SGIP1: variants seen among roughly 807,000 people sequenced by gnomAD.
The protein encoded by SGIP1 is SH3GL interacting endocytic adaptor 1.
In SGIP1, 38 loss-of-function variants were observed where a neutral mutation model predicts 107.5. The observed-to-expected ratio is 0.35, with a 90% CI of 0.27 to 0.46. SGIP1 has a LOEUF of 0.46. SGIP1 is among the 20% of genes least tolerant of loss of function. The probability of loss-of-function intolerance (pLI) is 1.00; values close to 1 mark genes in which losing one functional copy is unlikely to be tolerated. For missense variants in SGIP1, 929 were observed against 1,019.5 expected (o/e 0.91, Z 1.21); for synonymous variants, 365 against 366.1 (o/e 1.00, Z 0.03).
At chr1:66,737,202 A>C (rs1265173078) in intron 21 of SGIP1, among the ~76,000 whole-genome samples, 2 of 152,196 alleles carry the variant, frequency 1.3e-5, no homozygotes, top group East Asian at 3.8e-4. Context: ...GCATCCCCAA[A>C]GTGTGCAAAT....
intron 20 of SGIP1, among the ~76,000 whole-genome samples, chr1:66,731,258 A>C (rs189547620): frequency 6.6e-6 from 1 of 152,222 alleles, no homozygotes; most frequent in Non-Finnish European, 1.5e-5. Context: ...TTGGTTGTGC[A>C]CGTTGAGCCA....
At chr1:66,571,219 T>A (rs2060330946) in intron 1 of SGIP1, among the ~76,000 whole-genome samples, 1 of 151,988 alleles carries the variant, frequency 6.6e-6, no homozygotes, top group Non-Finnish European at 1.5e-5. Context: ...AAATGGAGTA[T>A]ATGAAAAGGT....
At chr1:66,559,810 C>T (rs1027447716) in intron 1 of SGIP1, among the ~76,000 whole-genome samples, 4 of 151,814 alleles carry the variant, frequency 2.6e-5, no homozygotes, top group Non-Finnish European at 4.4e-5. Context: ...GTTATTTAGC[C>T]GGGGGGGTGG....
chr1:66,610,562 C>A (rs1159250244), intron 1 of SGIP1, among the ~76,000 whole-genome samples: 1 of 152,144 alleles, frequency 6.6e-6, no homozygotes, highest in Non-Finnish European at 1.5e-5. Flanking sequence ...TCTAATCCTT[C>A]AGTGGAAACT....
At chr1:66,571,893 T>G (rs963140) in intron 1 of SGIP1, among the ~76,000 whole-genome samples, 77,546 of 151,816 alleles carry the variant, frequency 0.51, 20,778 homozygotes, top group South Asian at 0.78. Flanking sequence ...GGTGACAAAT[T>G]TACTCATCCC....
intron 5 of SGIP1, 148 bp downstream of exon 5, chr1:66,639,981 A>G (rs2076473681): frequency 1.6e-6 from 1 of 610,244 alleles, no homozygotes; most frequent in Non-Finnish European, 2.9e-6. Flanking sequence ...GGCTAAGAAC[A>G]ATAGAGTCTG....
rs2150087351 is a variant in SGIP1, at chr1:66,689,227, T to C, written c.1395T>C (p.Pro465=). 1 of 1,613,756 alleles carries C rather than the reference T, an allele frequency of 6.2e-7. No individual in the cohort carries two copies. Among genetic ancestry groups the C allele is most frequent in the South Asian group, 1.1e-5 (1 of 91,026 alleles). Residue 465 remains proline (P), a synonymous_variant, in exon 16 of 25, where the codon CCT becomes CCC. Coordinates refer to ENST00000371037, the MANE Select transcript of SGIP1 (RefSeq NM_032291.4). ...STTPPPPPPR[P]PSRPKLPPGK... is the part of the protein sequence containing the mutation. ...CTCCACCTCCACCTCCTCCCCGGCC[T>C]CCATCCCGGCCAAAGCTACCTCCAG... is the stretch of plus-strand genomic sequence containing the variant.
At chr1:66,575,822 A>G (rs958154581) in intron 1 of SGIP1, among the ~76,000 whole-genome samples, 1 of 152,178 alleles carries the variant, frequency 6.6e-6, no homozygotes, top group African/African-American at 2.4e-5. Flanking sequence ...TTTAAAGCTT[A>G]AATAGAAACC....
intron 10 of SGIP1, among the ~76,000 whole-genome samples, chr1:66,671,332 G>A (rs1171116255): frequency 6.6e-6 from 1 of 152,066 alleles, no homozygotes; most frequent in African/African-American, 2.4e-5. Flanking sequence ...TTTGTTGCTG[G>A]GGGTGGGAAG....
intron 1 of SGIP1, among the ~76,000 whole-genome samples, chr1:66,610,143 C>T (rs2067673278): frequency 6.6e-6 from 1 of 151,934 alleles, no homozygotes; most frequent in African/African-American, 2.4e-5. Flanking sequence ...CTGTTCTAGA[C>T]ATTTAGAAAA....
At chr1:66,709,962 C>T (rs1032516151) in intron 18 of SGIP1, among the ~76,000 whole-genome samples, 1 of 151,864 alleles carries the variant, frequency 6.6e-6, no homozygotes, top group Non-Finnish European at 1.5e-5. Context: ...GCAGCATGCA[C>T]ACACACAATT....
chr1:66,697,178 G>T (rs2091087004), intron 18 of SGIP1, among the ~76,000 whole-genome samples: 1 of 152,290 alleles, frequency 6.6e-6, no homozygotes, highest in Non-Finnish European at 1.5e-5. Context: ...GAGAGAGAGA[G>T]ATCTTTTTTG....
At chr1:66,693,759 T>C (rs1182491768) in intron 17 of SGIP1, among the ~76,000 whole-genome samples, 2 of 152,196 alleles carry the variant, frequency 1.3e-5, no homozygotes, top group Non-Finnish European at 2.9e-5. Context: ...AGAGCACCAA[T>C]TCATGATGTT....
intron 18 of SGIP1, among the ~76,000 whole-genome samples, chr1:66,709,076 G>A (rs1311603900): frequency 6.6e-6 from 1 of 152,026 alleles, no homozygotes; most frequent in Non-Finnish European, 1.5e-5. Flanking sequence ...TACATGCGCA[G>A]AACGTGCATG....
At chr1:66,610,347 A>G (rs2067712124) in intron 1 of SGIP1, among the ~76,000 whole-genome samples, 1 of 152,214 alleles carries the variant, frequency 6.6e-6, no homozygotes, top group South Asian at 2.1e-4. Flanking sequence ...TATTTAATGA[A>G]GCAAGTTGGT....
At position 66,586,931 on chromosome 1, in the gene SGIP1, T is replaced by C. The variant is rs534044830; in HGVS notation, c.11-38916T>C. 7.9e-5 allele frequency among the ~76,000 whole-genome samples: 12 copies of C among 152,214 alleles called. No individual in the cohort carries two copies. In the South Asian group the frequency reaches 1.5e-3, roughly 18 times the overall value. On this transcript the variant is annotated intron_variant, in intron 1 of 24. Transcript: ENST00000371037. Reference sequence around the variant, plus strand: ...TTGATTTTCATTCATTTCTTTAGGATGTGCTCACTGGGTAGTAAATTCTGA... The same window carrying C: ...TTGATTTTCATTCATTTCTTTAGGACGTGCTCACTGGGTAGTAAATTCTGA...
chr1:66,695,704 A>G (rs1423704663), intron 18 of SGIP1, among the ~76,000 whole-genome samples: 1 of 152,240 alleles, frequency 6.6e-6, no homozygotes, highest in African/African-American at 2.4e-5. Flanking sequence ...CATTAAAAAA[A>G]GTTCAAGCTA....
chr1:66,695,744 A>T (rs1038177711), intron 18 of SGIP1, among the ~76,000 whole-genome samples: 2 of 152,230 alleles, frequency 1.3e-5, no homozygotes, highest in African/African-American at 2.4e-5. Context: ...TATTTAATTA[A>T]CTATGGTCAA....
chr1:66,625,172 G>A (rs578088801), intron 1 of SGIP1, among the ~76,000 whole-genome samples: 2 of 152,274 alleles, frequency 1.3e-5, no homozygotes, highest in Admixed American at 1.3e-4. Flanking sequence ...ACGCCTCTAG[G>A]ATTAAGAAGC....
Sources: allele counts gnomAD v4.1 joint callset (sites outside exome capture counted in the v4.1 genomes callset), GRCh38; gene constraint gnomAD v4.1.1; transcripts MANE v1.5; gene names NCBI Gene and HGNC (gene_info 2026-07-23, HGNC 2026-07-21).